The following FGF13 variants were observed in gnomAD, a reference collection of about 807,000 sequenced individuals.
The protein encoded by FGF13 is fibroblast growth factor 13.
A neutral mutation model predicts 19.5 loss-of-function variants in FGF13; 2 were observed. That is an observed-to-expected ratio of 0.10 (90% confidence interval 0.04 to 0.32). The LOEUF (loss-of-function observed/expected upper bound fraction) is 0.32, where lower values mean the gene tolerates loss of function less well. Among genes scored for constraint, FGF13 ranks in the 10% least tolerant of loss-of-function variants. The pLI is 1.00. For missense variants in FGF13, 113 were observed against 192.7 expected (o/e 0.59, Z 2.45); for synonymous variants, 72 against 76.9 (o/e 0.94, Z 0.33).
chrX:138,648,912 A>G (rs2089335867), intron 3 of FGF13, among the ~76,000 whole-genome samples: 1 of 112,392 alleles, frequency 8.9e-6, no homozygotes, highest in Non-Finnish European at 1.9e-5. Context: ...AGCATCAAGG[A>G]AGAGGATAAT....
chrX:139,189,318 ATTGAAAAAAGAT>A (rs1028231553), intron 1 of FGF13, among the ~76,000 whole-genome samples: 1 of 94,697 alleles, frequency 1.1e-5, no homozygotes, highest in Middle Eastern at 5.5e-3. Flanking sequence ...TATCCCATCA[ATTGAAAAAAGAT>A]CTACACCCAA....
intron 1 of FGF13, among the ~76,000 whole-genome samples, chrX:138,944,771 G>A (rs2091774388): frequency 9.0e-6 from 1 of 111,092 alleles, no homozygotes; most frequent in South Asian, 3.8e-4. Context: ...TAAAAAGCAG[G>A]TTCTGTATTG....
At chrX:138,683,415 TCACA>T (rs376513383) in intron 3 of FGF13, among the ~76,000 whole-genome samples, 16 of 103,420 alleles carry the variant, frequency 1.5e-4, no homozygotes, top group Middle Eastern at 4.9e-3. Flanking sequence ...TCTCTCTCTC[TCACA>T]CACACACACA....
At chrX:138,899,357 C>T (rs1356861223) in intron 1 of FGF13, among the ~76,000 whole-genome samples, 4 of 111,273 alleles carry the variant, frequency 3.6e-5, no homozygotes, top group Non-Finnish European at 7.5e-5. Context: ...ATCCCCCTGT[C>T]ATGTGCAGCA....
rs754975148 is a variant in FGF13 at position 138,800,271 on chromosome X, G to A, written c.217+57241C>T. 1.3e-4 allele frequency among the ~76,000 whole-genome samples: 15 copies of A among 111,797 alleles called. No individual in the cohort carries two copies. In the East Asian group the frequency reaches 1.4e-3, roughly 10 times the overall value. Reference sequence around the variant, plus strand: ...GGAGCTCCTGTAAGGCAAGCCTGGCGGTGACAAAATCCCTCAGCATTTGCT... The same window carrying A: ...GGAGCTCCTGTAAGGCAAGCCTGGCAGTGACAAAATCCCTCAGCATTTGCT... On this transcript the variant is annotated intron_variant, in intron 3 of 6. Transcript: ENST00000436198.
intron 1 of FGF13, among the ~76,000 whole-genome samples, chrX:138,891,844 GC>G (rs1023574553): frequency 1.8e-5 from 2 of 110,661 alleles, no homozygotes; most frequent in Non-Finnish European, 3.8e-5. Context: ...CGTGCTGGAT[GC>G]TTCCTGCCCC....
intron 1 of FGF13, 108 bp downstream of exon 1, chrX:138,710,709 T>G: frequency 5.3e-6 from 6 of 1,133,676 alleles, no homozygotes; most frequent in Non-Finnish European, 5.8e-6. Context: ...TGGCCTCTTC[T>G]GCACAAGATG....
intron 1 of FGF13, among the ~76,000 whole-genome samples, chrX:138,899,653 C>G (rs1214157613): frequency 9.0e-6 from 1 of 111,510 alleles, no homozygotes; most frequent in Non-Finnish European, 1.9e-5. Context: ...AGTTTCAAAA[C>G]TATGTACATG....
chrX:139,090,117 AC>A (rs754046180), intron 1 of FGF13, among the ~76,000 whole-genome samples: 4 of 112,374 alleles, frequency 3.6e-5, no homozygotes, highest in Admixed American at 2.8e-4. Flanking sequence ...ACATAAAACT[AC>A]TACTAATAAT....
chrX:138,661,984 C>G (rs951393250), intron 3 of FGF13, among the ~76,000 whole-genome samples: 1 of 111,772 alleles, frequency 8.9e-6, no homozygotes, highest in Non-Finnish European at 1.9e-5. Flanking sequence ...AATAAAAATT[C>G]TAATCTGCAT....
chrX:138,712,161 C>T (rs1375695527), upstream of FGF13: 1 of 111,418 alleles, frequency 9.0e-6, no homozygotes. Context: ...CTTGGCGACA[C>T]TTGTAGCCAT....
chrX:138,973,497 G>A (rs1019505802), intron 1 of FGF13, among the ~76,000 whole-genome samples: 2 of 112,147 alleles, frequency 1.8e-5, no homozygotes, highest in Non-Finnish European at 3.8e-5. Flanking sequence ...TTCTGTAAAT[G>A]TCTGTTAGGT....
chrX:138,905,935 C>T (rs964988385), intron 1 of FGF13, among the ~76,000 whole-genome samples: 16 of 111,606 alleles, frequency 1.4e-4, no homozygotes, highest in African/African-American at 5.2e-4. Flanking sequence ...ATATCCTGCT[C>T]TTCTGGTTGG....
At chrX:138,875,231 C>CAAA (rs748124343) in intron 1 of FGF13, among the ~76,000 whole-genome samples, 730 of 39,833 alleles carry the variant, frequency 0.018, 15 homozygotes, top group African/African-American at 0.059. Context: ...GACTCTGTCT[C>CAAA]AAAAAAAAAA....
At chrX:138,739,258 T>C in exon 1 of FGF13, 1 of 1,166,624 alleles carries the variant, frequency 8.6e-7, no homozygotes, top group South Asian at 1.8e-5. Flanking sequence ...ACGACTTCCT[T>C]AACAAAGCCA....
At chrX:139,162,944 G>T (rs756346311) in intron 1 of FGF13, among the ~76,000 whole-genome samples, 85 of 112,064 alleles carry the variant, frequency 7.6e-4, no homozygotes, top group Middle Eastern at 4.6e-3. Context: ...ACTGTTGGTG[G>T]GAGTGTAAAT....
At chrX:138,840,124 CT>C (rs1292358477) in intron 3 of FGF13, among the ~76,000 whole-genome samples, 1 of 111,776 alleles carries the variant, frequency 8.9e-6, no homozygotes, top group Non-Finnish European at 1.9e-5. Context: ...ACAAGTTTCT[CT>C]AGTTTCCACT....
intron 1 of FGF13, among the ~76,000 whole-genome samples, chrX:139,190,802 C>T (rs927116711): frequency 9.9e-5 from 11 of 111,160 alleles, no homozygotes; most frequent in East Asian, 2.8e-4. Flanking sequence ...GATAATAATC[C>T]GAGAAGCAAG....
intron 3 of FGF13, among the ~76,000 whole-genome samples, chrX:138,637,119 G>A (rs1350136398): frequency 2.7e-5 from 3 of 111,864 alleles, no homozygotes; most frequent in East Asian, 5.6e-4. Flanking sequence ...GGGCACACTC[G>A]ATAGATGTTC....
Sources: gnomAD v4.1 joint callset for allele counts (sites outside exome capture counted in the v4.1 genomes callset) on GRCh38, gnomAD v4.1.1 for gene constraint, MANE v1.5 for transcripts, NCBI Gene and HGNC (gene_info 2026-07-23, HGNC 2026-07-21) for gene names.